Variants in ZNF823 observed in about 807,000 individuals in gnomAD.
ZNF823 encodes the protein ZFP 36 for a zinc finger protein.
A neutral mutation model predicts 11.4 loss-of-function variants in ZNF823; 5 were observed. The observed-to-expected ratio is 0.44, with a 90% CI of 0.23 to 0.92. The LOEUF (loss-of-function observed/expected upper bound fraction) is 0.92. ZNF823 is among the 40% of genes least tolerant of loss of function. The pLI, the probability that ZNF823 is intolerant of heterozygous loss-of-function variation, is 0.24. For synonymous variants in ZNF823, 234 were observed against 250.5 expected, an observed-to-expected ratio of 0.93 and a Z score of 0.62; for missense variants, 582 against 738.5, an observed-to-expected ratio of 0.79 and a Z score of 2.46.
intron 1 of ZNF823, among the ~76,000 whole-genome samples, chr19:11,734,276 C>G (rs1974953907): frequency 6.6e-6 from 1 of 151,830 alleles, no homozygotes; most frequent in African/African-American, 2.4e-5. Context: ...AAGAAATCAC[C>G]TCAGTCTTCT....
chr19:11,723,192 A>C lies in ZNF823; in HGVS notation c.342T>G (p.Asn114Lys). 1 of 1,614,132 alleles carries C rather than the reference A, an allele frequency of 6.2e-7. No individual in the cohort carries two copies. The highest frequency in any genetic ancestry group is 1.7e-5 in the Admixed American group (1 of 60,018). The change falls in exon 4 of 4, where the codon AAT becomes AAG. Residue 114 changes from asparagine (N) to lysine (K), a missense_variant. Asn to Lys is a moderately conservative substitution (Grantham distance 94). Coordinates refer to ENST00000341191, the MANE Select transcript of ZNF823 (RefSeq NM_001080493.4). ...GEVVLGHSSL[N>K]CNIRVDTGHK... Reference sequence around the variant, plus strand: ...GTCCAGTGTCAACTCTGATGTTGCAATTAAGAGACGAATGACCCAAGACGA... The same window carrying C: ...GTCCAGTGTCAACTCTGATGTTGCACTTAAGAGACGAATGACCCAAGACGA...
chr19:11,738,743 C>G, intron 1 of ZNF823, 74 bp downstream of exon 1: 1 of 1,512,232 alleles, frequency 6.6e-7, no homozygotes, highest in East Asian at 2.5e-5. Flanking sequence ...AGGCCCGGGT[C>G]CCCTCACGGT....
Position 11,725,211 on chromosome 19 carries a change from C to T in ZNF823, c.120G>A (p.Leu40=), listed in dbSNP as rs760131590. 35 of 1,613,582 alleles carry T rather than the reference C, an allele frequency of 2.2e-5. No individual in the cohort carries two copies. Among genetic ancestry groups the T allele is most frequent in the Non-Finnish European group, 2.9e-5 (34 of 1,179,784 alleles). Residue 40 remains leucine (L), a synonymous_variant, in exon 2 of 4, where the codon CTG becomes CTA. Coordinates refer to ENST00000341191, the MANE Select transcript of ZNF823 (RefSeq NM_001080493.4). ...RNVMQETIRN[L]DCIEMKWEDQ... ...TGATGTCATCCTTACCTATACAGTC[C>T]AGGTTCCTAATGGTTTCCTGCATGA...
At position 11,722,963 on chromosome 19, in the gene ZNF823, G is replaced by T. The variant is rs767022113; in HGVS notation, c.571C>A (p.Pro191Thr). The T allele has an allele frequency of 1.9e-6, 3 of 1,614,096 alleles. No individual in the cohort carries two copies. The highest frequency in any genetic ancestry group is 1.7e-5 in the Admixed American group (1 of 59,998). Residue 191 changes from proline to threonine, a missense_variant, in exon 4 of 4, where the codon CCT (proline) becomes ACT (threonine). Pro to Thr is a conservative substitution (Grantham distance 38). Coordinates refer to ENST00000341191, the MANE Select transcript of ZNF823 (RefSeq NM_001080493.4). The surrounding 1 kb of genome is among the most constrained non-coding windows in gnomAD (Gnocchi z 5.2). ...RHMAAHHGDG[P>T]YKCKLCGKAF... The stretch of plus-strand genomic sequence containing the variant: ...TTCCCACACAACTTACATTTATAAG[G>T]TCCATCTCCATGGTGTGCCGCCATG...
At position 11,721,699 on chromosome 19, in the gene ZNF823, A is replaced by T; in HGVS notation, c.*2T>A. ...CTGAATGTTTTCCCACATTCCATAC[A>T]TTTAGAGAGTATCTTTCCAGTGAGT... On this transcript the variant is annotated 3_prime_UTR_variant, in exon 4 of 4. Coordinates refer to ENST00000341191, the MANE Select transcript of ZNF823 (RefSeq NM_001080493.4). The T allele has an allele frequency of 6.2e-7, 1 of 1,605,136 alleles. No homozygotes were observed. The highest frequency in any genetic ancestry group is 8.5e-7 in the Non-Finnish European group (1 of 1,175,672).
intron 1 of ZNF823, among the ~76,000 whole-genome samples, chr19:11,729,293 G>C (rs1974852041): frequency 1.3e-5 from 2 of 152,042 alleles, no homozygotes; most frequent in Non-Finnish European, 2.9e-5. Context: ...TGCCATTCTA[G>C]CCCTAATCAA....
intron 1 of ZNF823, among the ~76,000 whole-genome samples, chr19:11,734,601 G>C (rs1197209228): frequency 6.6e-6 from 1 of 152,104 alleles, no homozygotes; most frequent in East Asian, 1.9e-4. Context: ...GCAGTGGCAC[G>C]ATCTCAGCTC....
In ZNF823 at chr19:11,722,728, G is replaced by T. The variant is rs1366249651; in HGVS notation, c.806C>A (p.Thr269Asn). The T allele has an allele frequency of 6.2e-7, 1 of 1,614,172 alleles. No homozygotes were observed. The highest frequency in any genetic ancestry group is 8.5e-7 in the Non-Finnish European group (1 of 1,180,030). ...TTTATAGGGTTTCTCTCCGGTGTGA[G>T]TTCTCTCATGTCTTAGATAGGTACT... ...DYSTYLRHER[T>N]HTGEKPYKCT... is the part of the protein sequence containing the mutation. Residue 269 changes from threonine to asparagine, a missense_variant, in exon 4 of 4, where the codon ACT becomes AAT. By Grantham distance (65) the Thr-to-Asn change is moderately conservative. Coordinates refer to ENST00000341191, the MANE Select transcript of ZNF823 (RefSeq NM_001080493.4). The surrounding 1 kb of genome is among the most constrained non-coding windows in gnomAD (Gnocchi z 5.2).
chr19:11,730,506 CTG>C (rs1974874034), intron 1 of ZNF823: 1 of 152,112 alleles, frequency 6.6e-6, no homozygotes, highest in Non-Finnish European at 1.5e-5. Flanking sequence ...GCCCAGGAAT[CTG>C]AGGCTGTGGT....
chr19:11,729,421 T>C (rs1350634662), intron 1 of ZNF823, among the ~76,000 whole-genome samples: 2 of 152,154 alleles, frequency 1.3e-5, no homozygotes, highest in Non-Finnish European at 2.9e-5. Flanking sequence ...GAAGACATAA[T>C]AATCATTAAT....
intron 1 of ZNF823, among the ~76,000 whole-genome samples, chr19:11,727,237 G>A (rs1313924777): frequency 6.6e-6 from 1 of 152,140 alleles, no homozygotes; most frequent in East Asian, 1.9e-4. Flanking sequence ...CCGGCAGGGT[G>A]TGGTGGCTCA....
chr19:11,736,984 G>A (rs1599711391), intron 1 of ZNF823, among the ~76,000 whole-genome samples: 2 of 152,104 alleles, frequency 1.3e-5, no homozygotes, highest in Admixed American at 1.3e-4. Context: ...CCCACCCCAC[G>A]ACATCCAGCT....
chr19:11,721,539 G>T lies in ZNF823; in HGVS notation c.*162C>A. On this transcript the variant is annotated 3_prime_UTR_variant, in exon 4 of 4. Transcript: ENST00000341191. Reference sequence around the variant, plus strand: ...GGCATCTGTGGATTTAGAGGGTGCTGGAACCAATCCCCTGCAATATATTGG... The same window carrying T: ...GGCATCTGTGGATTTAGAGGGTGCTTGAACCAATCCCCTGCAATATATTGG... 1.4e-6 allele frequency: 1 copy of T among 699,196 alleles called. No individual in the cohort carries two copies. The highest frequency in any genetic ancestry group is 2.3e-6 in the Non-Finnish European group (1 of 432,202). 43.3% of individuals were successfully genotyped at this position (699,196 alleles called of 1,614,324 possible).
Position 11,722,347 on chromosome 19 carries a change from G to T in ZNF823, c.1187C>A (p.Ala396Asp), listed in dbSNP as rs750974901. ...TTGAAATAAACTGGGACAACCAAAGGCTTTCCCACATATCTTGCATTTCTG... is the reference window on the plus strand; with the variant it reads ...TTGAAATAAACTGGGACAACCAAAGTCTTTCCCACATATCTTGCATTTCTG... ...GPQKCKICGK[A>D]FGCPSLFQRH... Residue 396 changes from alanine to aspartate, a missense_variant, in exon 4 of 4, where the codon GCC (alanine) becomes GAC (aspartate). Transcript: ENST00000341191. The surrounding 1 kb of genome is among the most constrained non-coding windows in gnomAD (Gnocchi z 5.2). The T allele has an allele frequency of 1.9e-6, 3 of 1,613,952 alleles. No homozygotes were observed. Among genetic ancestry groups the T allele is most frequent in the Non-Finnish European group, 2.5e-6 (3 of 1,180,020 alleles).
chr19:11,735,522 T>C (rs1974978688), intron 1 of ZNF823, among the ~76,000 whole-genome samples: 1 of 152,172 alleles, frequency 6.6e-6, no homozygotes, highest in Admixed American at 6.5e-5. Context: ...TCCAGTGCTC[T>C]GCAGCTTCTC....
At chr19:11,737,752 TG>T (rs1160493069) in intron 1 of ZNF823, among the ~76,000 whole-genome samples, 1 of 152,142 alleles carries the variant, frequency 6.6e-6, no homozygotes, top group Admixed American at 6.5e-5. Context: ...TTCATAAAGT[TG>T]CTGGGAATTG....
At chr19:11,733,370 AAAAAAAAAAAAAG>A (rs1403311277) in intron 1 of ZNF823, among the ~76,000 whole-genome samples, 1 of 150,642 alleles carries the variant, frequency 6.6e-6, no homozygotes, top group Non-Finnish European at 1.5e-5. Flanking sequence ...CATCTCAAAA[AAAAAAAAAAAAAG>A]AAAAAGAAAA....
chr19:11,726,676 C>T (rs1323481377), intron 1 of ZNF823, among the ~76,000 whole-genome samples: 1 of 152,096 alleles, frequency 6.6e-6, no homozygotes, highest in Non-Finnish European at 1.5e-5. Flanking sequence ...AGGCTCTTAC[C>T]AGATGCTAAG....
At position 11,722,838 on chromosome 19, in the gene ZNF823, G is replaced by A. The variant is rs754774235; in HGVS notation, c.696C>T (p.Tyr232=). 6.2e-7 allele frequency: 1 copy of A among 1,614,056 alleles called. No homozygotes were observed. The highest frequency in any genetic ancestry group is 8.5e-7 in the Non-Finnish European group (1 of 1,180,000). ...CKQCSKAFPF[Y]SSYLRHERIH... is the part of the protein sequence containing the mutation. ...TTCTTTCATGTCTTAGATAGGAACTGTAAAAAGGAAAGGCTTTAGAACACT... is the reference window on the plus strand; with the variant it reads ...TTCTTTCATGTCTTAGATAGGAACTATAAAAAGGAAAGGCTTTAGAACACT... Residue 232 remains tyrosine, a synonymous_variant, in exon 4 of 4, where the codon TAC becomes TAT. Transcript: ENST00000341191. The surrounding 1 kb of genome is among the most constrained non-coding windows in gnomAD (Gnocchi z 5.2).
Sources: gnomAD v4.1 joint callset for allele counts (sites outside exome capture counted in the v4.1 genomes callset) on GRCh38, gnomAD v4.1.1 for gene constraint, Gnocchi (gnomAD v3.1) non-coding constraint, MANE v1.5 for transcripts, NCBI Gene and HGNC (gene_info 2026-07-23, HGNC 2026-07-21) for gene names.